The following IHO1 variants were observed in gnomAD, a reference collection of about 807,000 sequenced individuals.
The protein encoded by IHO1 is interactor of HORMAD1 protein 1.
A neutral mutation model predicts 31.0 loss-of-function variants in IHO1; 13 were observed. The ratio of observed to expected loss-of-function variants is 0.42; its 90% CI spans 0.27 to 0.67. IHO1 has a LOEUF of 0.67. Ranked by LOEUF, IHO1 falls within the 30% of genes least tolerant of loss-of-function variation. The pLI is 0.24. For missense variants in IHO1, 599 were observed against 687.5 expected (o/e 0.87, Z 1.44); for synonymous variants, 221 against 248.4 (o/e 0.89, Z 1.04).
intron 3 of IHO1, among the ~76,000 whole-genome samples, chr3:49,238,363 G>A (rs2046585883): frequency 6.6e-6 from 1 of 152,020 alleles, no homozygotes; most frequent in Non-Finnish European, 1.5e-5. Flanking sequence ...TGGTGCTGTG[G>A]CAGGAATCAG....
At chr3:49,236,200 T>C (rs781322128) in intron 2 of IHO1, among the ~76,000 whole-genome samples, 4 of 152,048 alleles carry the variant, frequency 2.6e-5, no homozygotes, top group Non-Finnish European at 5.9e-5. Context: ...CAGAGTAGGA[T>C]CCTGTCTCAA....
At chr3:49,226,296 T>C (rs2046416169) in intron 2 of IHO1, among the ~76,000 whole-genome samples, 1 of 152,182 alleles carries the variant, frequency 6.6e-6, no homozygotes, top group South Asian at 2.1e-4. Context: ...CAGGGCTCAC[T>C]TTTGGAACTT....
chr3:49,191,588 G>T, the IHO1 span: 1 of 795,510 alleles, frequency 1.3e-6, no homozygotes, highest in Non-Finnish European at 2.2e-6. Flanking sequence ...GCCTCCAGGG[G>T]TGACCTCAAG....
chr3:49,234,484 G>T (rs1483937196), intron 2 of IHO1, among the ~76,000 whole-genome samples: 1 of 151,768 alleles, frequency 6.6e-6, no homozygotes, highest in East Asian at 1.9e-4. Flanking sequence ...CCAGGCTCTG[G>T]TGTCCCTTTT....
At chr3:49,199,054 G>C (rs985334238), upstream of IHO1, 1 of 152,528 alleles carries the variant, frequency 6.6e-6, no homozygotes, top group Admixed American at 6.5e-5. Context: ...CATTCCTGGG[G>C]ACCAGGGCCT....
At chr3:49,192,959 T>C in the IHO1 span, among the ~76,000 whole-genome samples, 1 of 152,050 alleles carries the variant, frequency 6.6e-6, no homozygotes, top group Non-Finnish European at 1.5e-5. Context: ...AAGGAAAAAC[T>C]GTAAGCAACC....
At chr3:49,242,617 GTT>G (rs1164228788) in intron 4 of IHO1, among the ~76,000 whole-genome samples, 2 of 152,108 alleles carry the variant, frequency 1.3e-5, no homozygotes. Flanking sequence ...GGATTAGGAA[GTT>G]GGACAACATT....
rs767709566 is a variant in IHO1 at position 49,256,776 on chromosome 3, A to T, written c.1279A>T (p.Ile427Phe). The T allele has an allele frequency of 1.2e-6, 2 of 1,614,250 alleles. No homozygotes were observed. The highest frequency in any genetic ancestry group is 1.7e-6 in the Non-Finnish European group (2 of 1,180,040). ...FLCDPREHLV[I>F]KQKDGTVEMR... is the part of the protein sequence containing the mutation. ...GTGTGACCCACGTGAACATTTGGTG[A>T]TTAAACAGAAAGATGGGACTGTAGA... Residue 427 changes from isoleucine (I) to phenylalanine (F), a missense_variant, in exon 8 of 8, where the codon ATT becomes TTT. Physicochemically the swap from Ile to Phe is conservative, Grantham distance 21. Transcript: ENST00000452691. The surrounding 1 kb of genome is among the most constrained non-coding windows in gnomAD (Gnocchi z 4.6).
chr3:49,241,064 T>C (rs772547109), intron 3 of IHO1, among the ~76,000 whole-genome samples, 162 bp from the exon 4 acceptor site: 22 of 152,262 alleles, frequency 1.4e-4, no homozygotes, highest in Non-Finnish European at 2.4e-4. Context: ...ATTTTAAATA[T>C]AATTTTCTGG....
chr3:49,210,388 C>T (rs892894868), intron 1 of IHO1, among the ~76,000 whole-genome samples: 4 of 151,934 alleles, frequency 2.6e-5, no homozygotes, highest in Admixed American at 2.0e-4. Flanking sequence ...AGGCTTGTGC[C>T]ACCACACCCT....
intron 2 of IHO1, among the ~76,000 whole-genome samples, chr3:49,228,949 C>T (rs1356354690): frequency 1.3e-5 from 2 of 152,158 alleles, no homozygotes; most frequent in African/African-American, 4.8e-5. Context: ...AGAGAGATGA[C>T]TGGTCCATTT....
intron 3 of IHO1, among the ~76,000 whole-genome samples, chr3:49,237,116 G>T (rs750828444): frequency 6.6e-6 from 1 of 152,028 alleles, no homozygotes; most frequent in Non-Finnish European, 1.5e-5. Flanking sequence ...TTGGGAGGCC[G>T]AGGCAGGTGG....
At chr3:49,241,204 A>G (rs969619533) in intron 3 of IHO1, 22 bp from the exon 4 acceptor site, 19 of 1,567,808 alleles carry the variant, frequency 1.2e-5, no homozygotes, top group Non-Finnish European at 1.6e-5. Flanking sequence ...GTGAAATGCT[A>G]TATATTTTTT....
At chr3:49,218,317 G>A (rs1315275647) in intron 2 of IHO1, among the ~76,000 whole-genome samples, 2 of 151,080 alleles carry the variant, frequency 1.3e-5, no homozygotes, top group East Asian at 1.9e-4. Flanking sequence ...GCCATGTTGA[G>A]CTGAGCCAAG....
chr3:49,213,837 C>T, intron 2 of IHO1: 1 of 193,696 alleles, frequency 5.2e-6, no homozygotes, highest in Non-Finnish European at 1.2e-5. Flanking sequence ...CACCTCCCTG[C>T]AAGCAGAGGG....
rs1400842043 is a variant in IHO1, at chr3:49,214,689, G to T, written c.56+2853G>T. 3.3e-5 allele frequency among the ~76,000 whole-genome samples: 4 copies of T among 121,102 alleles called. No individual in the cohort carries two copies. The South Asian group carries it at 8.8e-4, about 27-fold the overall frequency. 79.4% of individuals were successfully genotyped at this position (121,102 alleles called of 152,430 possible). The stretch of plus-strand genomic sequence containing the variant: ...AGTTTCACTCTTGTTGCCCAGGCTG[G>T]AGTGCAATGGCGTGGTCTCAGCTCA... On this transcript the variant is annotated intron_variant, in intron 2 of 7. Transcript: ENST00000452691.
intron 1 of IHO1, among the ~76,000 whole-genome samples, chr3:49,206,255 C>T (rs1325937059): frequency 6.6e-6 from 1 of 150,702 alleles, no homozygotes; most frequent in African/African-American, 2.4e-5. Flanking sequence ...TGAGCCCCTG[C>T]GCCCAGCAAT....
chr3:49,232,885 C>T (rs555027306), intron 2 of IHO1, among the ~76,000 whole-genome samples: 9 of 152,192 alleles, frequency 5.9e-5, no homozygotes, highest in Non-Finnish European at 7.4e-5. Context: ...CTGGCAATAA[C>T]GCCTGGATGT....
At chr3:49,208,509 G>A (rs566822094) in intron 1 of IHO1, among the ~76,000 whole-genome samples, 2 of 152,212 alleles carry the variant, frequency 1.3e-5, no homozygotes, top group African/African-American at 2.4e-5. Flanking sequence ...AACCCCACCC[G>A]CAACCAATGT....
Sources: gnomAD v4.1 joint callset for allele counts (sites outside exome capture counted in the v4.1 genomes callset) on GRCh38, gnomAD v4.1.1 for gene constraint, Gnocchi (gnomAD v3.1) non-coding constraint, MANE v1.5 for transcripts, NCBI Gene and HGNC (gene_info 2026-07-23, HGNC 2026-07-21) for gene names.